KCNS3: variants seen among roughly 807,000 people sequenced by gnomAD.
The protein encoded by KCNS3 is delayed-rectifier potassium channel regulatory subunit KCNS3.
KCNS3 carries 13 observed loss-of-function variants against 31.0 expected under a neutral mutation model. The observed-to-expected ratio is 0.42, with a 90% confidence interval of 0.27 to 0.67. The LOEUF (loss-of-function observed/expected upper bound fraction) is 0.67. Among genes scored for constraint, KCNS3 ranks in the 30% least tolerant of loss-of-function variants. The pLI, the probability that KCNS3 is intolerant of heterozygous loss-of-function variation, is 0.25. For synonymous variants in KCNS3, 238 were observed against 241.5 expected (o/e 0.99, Z 0.13); for missense variants, 545 against 622.4 (o/e 0.88, Z 1.32).
At chr2:17,915,088 A>T (rs530854754) in intron 1 of KCNS3, among the ~76,000 whole-genome samples, 1 of 152,238 alleles carries the variant, frequency 6.6e-6, no homozygotes, top group East Asian at 1.9e-4. Flanking sequence ...TCATTTGTTC[A>T]CTTTTGAATG....
Position 17,931,839 on chromosome 2 carries a change from A to G in KCNS3, c.831A>G (p.Glu277=), listed in dbSNP as rs1428771177. Residue 277 remains glutamate (E), a synonymous_variant, in exon 3 of 3, where the codon GAA becomes GAG. Transcript: ENST00000304101. The surrounding 1 kb of genome is among the most constrained non-coding windows in gnomAD (Gnocchi z 5.4). ...YATLAVDTKE[E]ESEDIENMGK... is the part of the protein sequence containing the mutation. ...CGTTGGCTGTAGACACCAAGGAGGA[A>G]GAGAGTGAGGATATTGAGAACATGG... 1.2e-6 allele frequency: 2 copies of G among 1,614,160 alleles called. No individual in the cohort carries two copies. Among genetic ancestry groups the G allele is most frequent in the East Asian group, 2.2e-5 (1 of 44,880 alleles).
chr2:17,912,439 C>G (rs967949598), intron 1 of KCNS3, among the ~76,000 whole-genome samples: 1 of 152,234 alleles, frequency 6.6e-6, no homozygotes, highest in Admixed American at 6.5e-5. Flanking sequence ...GGAGCCAGTG[C>G]AGTTCCTTTC....
intron 1 of KCNS3, among the ~76,000 whole-genome samples, chr2:17,882,565 C>T (rs1674666856): frequency 6.6e-6 from 1 of 152,108 alleles, no homozygotes; most frequent in Non-Finnish European, 1.5e-5. Flanking sequence ...TGAATTTCAT[C>T]CTGGACCTGG....
intron 2 of KCNS3, chr2:17,919,732 G>A (rs1049941436): frequency 6.6e-6 from 1 of 152,298 alleles, no homozygotes; most frequent in African/African-American, 2.4e-5. Context: ...ACCTGGCAGG[G>A]AGTTTTCTTG....
At position 17,931,801 on chromosome 2, in the gene KCNS3, C is replaced by A; in HGVS notation, c.793C>A (p.Pro265Thr). 1 of 1,614,162 alleles carries A rather than the reference C, an allele frequency of 6.2e-7. No homozygotes were observed. Among genetic ancestry groups the A allele is most frequent in the Non-Finnish European group, 8.5e-7 (1 of 1,180,028 alleles). Reference protein sequence around the residue: ...LNIIDFVSIIPFYATLAVDTK... With the variant: ...LNIIDFVSIITFYATLAVDTK... ...CATCATTGACTTTGTCTCTATTATT[C>A]CCTTCTATGCCACGTTGGCTGTAGA... is the stretch of plus-strand genomic sequence containing the variant. The change falls in exon 3 of 3, where the codon CCC becomes ACC. Residue 265 changes from proline to threonine, a missense_variant. Transcript: ENST00000304101. This position sits in a 1 kb window ranked among gnomAD's most constrained non-coding sequence, Gnocchi z 5.4.
chr2:17,905,866 T>C (rs1308983641), intron 1 of KCNS3, among the ~76,000 whole-genome samples: 2 of 152,216 alleles, frequency 1.3e-5, no homozygotes, highest in African/African-American at 4.8e-5. Context: ...GGTTTGCCCG[T>C]ATTTTATTGA....
chr2:17,907,769 A>G (rs2125243733), intron 1 of KCNS3, among the ~76,000 whole-genome samples: 1 of 152,276 alleles, frequency 6.6e-6, no homozygotes, highest in African/African-American at 2.4e-5. Flanking sequence ...CTTTTCCTTA[A>G]GAATGTTGAA....
At chr2:17,919,085 C>T (rs757302559) in intron 2 of KCNS3, among the ~76,000 whole-genome samples, 4 of 152,218 alleles carry the variant, frequency 2.6e-5, no homozygotes, top group Middle Eastern at 3.2e-3. Context: ...ACAAAGAGGA[C>T]AGCTTTCTGG....
intron 1 of KCNS3, among the ~76,000 whole-genome samples, chr2:17,900,240 G>A (rs755243897): frequency 4.6e-5 from 7 of 152,138 alleles, no homozygotes; most frequent in Non-Finnish European, 8.8e-5. Context: ...CAGAGCTCAC[G>A]GTGCAGTGTG....
chr2:17,891,728 TG>T (rs1661859679), intron 1 of KCNS3, among the ~76,000 whole-genome samples: 1 of 152,218 alleles, frequency 6.6e-6, no homozygotes, highest in South Asian at 2.1e-4. Flanking sequence ...ATAATTGTTT[TG>T]TTTGAGGAGA....
chr2:17,904,208 A>G lies in KCNS3; in HGVS notation c.-251-13472A>G, dbSNP rs1239605019. On this transcript the variant is annotated intron_variant, in intron 1 of 2. Coordinates refer to ENST00000304101, the MANE Select transcript of KCNS3 (RefSeq NM_002252.5). ...TTTGATTTGTATTTCTCTGATAGCC[A>G]GGGATGATGAGCATTTTTTCATGTG... is the stretch of plus-strand genomic sequence containing the variant. Among the ~76,000 whole-genome samples the G allele has an allele frequency of 3.3e-5, 5 of 152,262 alleles. 1 individual carries two copies. Among genetic ancestry groups the G allele is most frequent in the Admixed American group, 2.6e-4 (4 of 15,284 alleles).
chr2:17,884,526 T>C (rs930342721), intron 1 of KCNS3, among the ~76,000 whole-genome samples: 6 of 151,606 alleles, frequency 4.0e-5, no homozygotes, highest in African/African-American at 1.5e-4. Context: ...TTTGGAGGTG[T>C]GTTGTGTGTT....
chr2:17,886,674 A>G (rs1241109433), intron 1 of KCNS3, among the ~76,000 whole-genome samples: 3 of 137,078 alleles, frequency 2.2e-5, no homozygotes, highest in Non-Finnish European at 3.2e-5. Flanking sequence ...GTCCCCATCC[A>G]TCCGTCCGTC....
rs557154082 is a variant in KCNS3 at position 17,903,118 on chromosome 2, A to G, written c.-251-14562A>G. Among the ~76,000 whole-genome samples the G allele has an allele frequency of 2.0e-5, 3 of 152,312 alleles. No individual in the cohort carries two copies. The East Asian group carries it at 5.8e-4, about 29-fold the overall frequency. On this transcript the variant is annotated intron_variant, in intron 1 of 2. Transcript: ENST00000304101. Reference sequence around the variant, plus strand: ...TTTTTCCCAGTTAATGCAGTGGGCAAGAGAGACTTTAAAATTTCATACAGA... The same window carrying G: ...TTTTTCCCAGTTAATGCAGTGGGCAGGAGAGACTTTAAAATTTCATACAGA...
intron 1 of KCNS3, among the ~76,000 whole-genome samples, chr2:17,893,825 A>G (rs956535375): frequency 1.3e-5 from 2 of 151,670 alleles, no homozygotes; most frequent in Non-Finnish European, 2.9e-5. Flanking sequence ...TGGTCCTCTC[A>G]GTATTTCTGA....
intron 1 of KCNS3, among the ~76,000 whole-genome samples, chr2:17,917,208 A>G (rs918194237): frequency 1.3e-5 from 2 of 152,248 alleles, no homozygotes; most frequent in Non-Finnish European, 2.9e-5. Context: ...CCAGCCTTTG[A>G]AATCTATTGA....
chr2:17,927,715 C>T (rs1430844003), intron 2 of KCNS3, among the ~76,000 whole-genome samples: 2 of 152,214 alleles, frequency 1.3e-5, no homozygotes, highest in African/African-American at 2.4e-5. Context: ...ATCCAATCAC[C>T]TCCCACCAGT....
intron 2 of KCNS3, among the ~76,000 whole-genome samples, chr2:17,927,137 G>T (rs924870947): frequency 6.6e-6 from 1 of 152,164 alleles, no homozygotes; most frequent in East Asian, 1.9e-4. Context: ...TCTACAGCAG[G>T]GGGAAAATGC....
intron 2 of KCNS3, among the ~76,000 whole-genome samples, chr2:17,923,066 G>T (rs1346353862): frequency 1.3e-5 from 2 of 152,086 alleles, no homozygotes; most frequent in Non-Finnish European, 2.9e-5. Flanking sequence ...TGCTTACAAT[G>T]ACACACAAGG....
Sources: allele counts gnomAD v4.1 joint callset (sites outside exome capture counted in the v4.1 genomes callset), GRCh38; gene constraint gnomAD v4.1.1; non-coding constraint Gnocchi (gnomAD v3.1); transcripts MANE v1.5; gene names NCBI Gene and HGNC (gene_info 2026-07-23, HGNC 2026-07-21).